The following IFT122 variants were observed in gnomAD, a reference collection of about 807,000 sequenced individuals.
IFT122 encodes the protein intraflagellar transport protein 122 homolog.
IFT122 carries 118 observed loss-of-function variants against 161.6 expected under a neutral mutation model. That is an observed-to-expected ratio of 0.73 (90% CI 0.63 to 0.85). IFT122 has a LOEUF of 0.85. IFT122 is among the 40% of genes least tolerant of loss of function. IFT122 has a pLI of 0.00. For synonymous variants in IFT122, 550 were observed against 602.4 expected (o/e 0.91, Z 1.27); for missense variants, 1,381 against 1,579.6 (o/e 0.87, Z 2.13).
In IFT122 at chr3:129,456,623, C is replaced by T. The variant is rs2075524817; in HGVS notation, c.194-1976C>T. ...CTGCTCTCTGGCCTGGGTGACAGAG[C>T]TAGACTCCGTCTCAAAAAGGGCCAG... On this transcript the variant is annotated intron_variant, in intron 3 of 29. Transcript: ENST00000348417. Among the ~76,000 whole-genome samples the T allele has an allele frequency of 2.6e-5, 4 of 151,448 alleles. No individual in the cohort carries two copies. In the South Asian group the frequency reaches 8.4e-4, roughly 32 times the overall value.
intron 13 of IFT122, among the ~76,000 whole-genome samples, chr3:129,480,489 A>G (rs1355318861): frequency 3.3e-5 from 5 of 152,242 alleles, no homozygotes; most frequent in African/African-American, 2.4e-5. Context: ...AGGCTGCTAC[A>G]TGGAACTTTG....
intron 9 of IFT122, among the ~76,000 whole-genome samples, chr3:129,472,404 A>T (rs1037364295): frequency 4.6e-5 from 7 of 151,846 alleles, no homozygotes; most frequent in African/African-American, 1.5e-4. Context: ...GGCTCAAATG[A>T]TTCTTCTGCC....
At chr3:129,505,886 G>A (rs1462864942) in intron 21 of IFT122, among the ~76,000 whole-genome samples, 3 of 152,166 alleles carry the variant, frequency 2.0e-5, no homozygotes, top group Non-Finnish European at 4.4e-5. Context: ...GGGACCTTGG[G>A]TGTGACACTT....
chr3:129,454,513 TTGTGTGTGTGTGTGTGTGTGTG>T (rs61557048), intron 3 of IFT122, among the ~76,000 whole-genome samples: 1 of 131,224 alleles, frequency 7.6e-6, no homozygotes, highest in African/African-American at 3.0e-5. Context: ...GTAGTCATAT[TTGTGTGTGTGTGTGTGTGTGTG>T]TGTGTGTGTG....
At chr3:129,453,607 G>A (rs969256021) in intron 3 of IFT122, among the ~76,000 whole-genome samples, 25 of 152,116 alleles carry the variant, frequency 1.6e-4, no homozygotes, top group African/African-American at 5.6e-4. Flanking sequence ...AGATGAAGTA[G>A]GAGGGCAAGG....
Position 129,467,037 on chromosome 3 carries a change from A to G in IFT122, c.711A>G (p.Glu237=), listed in dbSNP as rs1196017339. The G allele has an allele frequency of 4.3e-6, 7 of 1,614,004 alleles. No individual in the cohort carries two copies. In the African/African-American group the frequency reaches 8.0e-5, roughly 18 times the overall value. The stretch of plus-strand genomic sequence containing the variant: ...AGGCAGAGGAGGAAGAACCAGAGGA[A>G]GAGGACGACAGTCCCAGGGACGACA... ...GSEAEEEEPE[E]EDDSPRDDNL... is the part of the protein sequence containing the mutation. Residue 237 remains glutamate (E), a synonymous_variant, in exon 8 of 30, where the codon GAA becomes GAG. Coordinates refer to ENST00000348417, the MANE Select transcript of IFT122 (RefSeq NM_052989.3).
chr3:129,452,104 C>T, intron 3 of IFT122, 106 bp downstream of exon 3: 1 of 878,146 alleles, frequency 1.1e-6, no homozygotes, highest in South Asian at 1.4e-5. Flanking sequence ...GTACAAGTTG[C>T]AAGTTCAGAA....
intron 13 of IFT122, among the ~76,000 whole-genome samples, chr3:129,481,207 C>T (rs935015963): frequency 6.6e-6 from 1 of 152,208 alleles, no homozygotes; most frequent in African/African-American, 2.4e-5. Flanking sequence ...CAGATCTCTG[C>T]TAGGTGGCAT....
rs537430793 is a variant in IFT122, at chr3:129,492,979, G to C, written c.2046+785G>C. Reference sequence around the variant, plus strand: ...ACCACATGCATGTGCCACCCCGCCTGATTAATTTTTTGTATATTTTTTAGA... The same window carrying C: ...ACCACATGCATGTGCCACCCCGCCTCATTAATTTTTTGTATATTTTTTAGA... On this transcript the variant is annotated intron_variant, in intron 17 of 29. Coordinates refer to ENST00000348417, the MANE Select transcript of IFT122 (RefSeq NM_052989.3). Among the ~76,000 whole-genome samples the C allele has an allele frequency of 2.7e-4, 41 of 151,986 alleles. No homozygotes were observed. In the South Asian group the frequency reaches 4.2e-3, roughly 15 times the overall value.
At chr3:129,513,428 T>C (rs1162193527) in intron 24 of IFT122, 1 of 152,298 alleles carries the variant, frequency 6.6e-6, no homozygotes, top group Non-Finnish European at 1.5e-5. Context: ...AGGCCCATTA[T>C]GTACATTTCA....
At chr3:129,515,692 G>T (rs1322103191) in intron 26 of IFT122, 93 bp downstream of exon 26, 29 of 1,087,924 alleles carry the variant, frequency 2.7e-5, no homozygotes, top group Non-Finnish European at 3.7e-5. Context: ...TTGGGCAAGG[G>T]CCAAAGGCCT....
chr3:129,458,640 A>G lies in IFT122; in HGVS notation c.235A>G (p.Ile79Val), dbSNP rs1238137464. ...ASGSADKSVIIWTSKLEGILK... is the reference protein window; with the variant it reads ...ASGSADKSVIVWTSKLEGILK... ...TGGATCAGCTGACAAAAGCGTTATT[A>G]TCTGGACATCAAAACTGGAAGGCAT... The change falls in exon 4 of 30, where the codon ATC becomes GTC. Residue 79 changes from isoleucine (I) to valine (V), a missense_variant. Ile to Val is a conservative substitution (Grantham distance 29). Coordinates refer to ENST00000348417, the MANE Select transcript of IFT122 (RefSeq NM_052989.3). 1 of 1,614,138 alleles carries G rather than the reference A, an allele frequency of 6.2e-7. No homozygotes were observed. Among genetic ancestry groups the G allele is most frequent in the Admixed American group, 1.7e-5 (1 of 60,028 alleles).
chr3:129,483,103 C>A (rs2108346886), intron 14 of IFT122, among the ~76,000 whole-genome samples: 1 of 139,876 alleles, frequency 7.1e-6, no homozygotes, highest in African/African-American at 2.7e-5. Flanking sequence ...TCTCCACTGC[C>A]CCTCCCTCTA....
At chr3:129,449,992 A>C (rs1188599213) in intron 2 of IFT122, 55 bp downstream of exon 2, 1 of 1,055,318 alleles carries the variant, frequency 9.5e-7, no homozygotes, top group African/African-American at 1.6e-5. Flanking sequence ...CCCTCTTGTG[A>C]GTACTCTGAA....
chr3:129,505,678 C>G (rs942106222), intron 21 of IFT122, among the ~76,000 whole-genome samples: 1 of 152,232 alleles, frequency 6.6e-6, no homozygotes, highest in East Asian at 1.9e-4. Context: ...AAGTGCTTCA[C>G]TGGCAGCCAC....
At chr3:129,491,718 T>A (rs1393231449) in intron 16 of IFT122, among the ~76,000 whole-genome samples, 1 of 152,160 alleles carries the variant, frequency 6.6e-6, no homozygotes, top group Non-Finnish European at 1.5e-5. Flanking sequence ...GTCCCCTGCA[T>A]TCTACCCATG....
At chr3:129,476,951 T>TTG in intron 11 of IFT122, 150 bp downstream of exon 11, 1 of 877,416 alleles carries the variant, frequency 1.1e-6, no homozygotes, top group Non-Finnish European at 1.7e-6. Flanking sequence ...TTTTCTTTTT[T>TTG]TTTTTTTTTT....
chr3:129,460,703 C>A (rs930115945), intron 4 of IFT122: 2 of 723,146 alleles, frequency 2.8e-6, no homozygotes, highest in Admixed American at 2.0e-5. Context: ...GTGTACAAAT[C>A]AACAAACAAT....
chr3:129,476,199 G>GCT (rs1177902253), intron 9 of IFT122, 116 bp from the exon 10 acceptor site: 2 of 1,109,582 alleles, frequency 1.8e-6, no homozygotes, highest in African/African-American at 3.1e-5. Flanking sequence ...AGGCTGGCCA[G>GCT]CTCTCCCTGT....
Sources: gnomAD v4.1 joint callset for allele counts (sites outside exome capture counted in the v4.1 genomes callset) on GRCh38, gnomAD v4.1.1 for gene constraint, MANE v1.5 for transcripts, NCBI Gene and HGNC (gene_info 2026-07-23, HGNC 2026-07-21) for gene names.